TAB1: variants seen among roughly 807,000 people sequenced by gnomAD.
TAB1 encodes TGF-beta-activated kinase 1 and MAP3K7-binding protein 1.
TAB1 carries 30 observed loss-of-function variants against 54.5 expected under a neutral mutation model. The observed-to-expected ratio is 0.55, with a 90% CI of 0.41 to 0.75. The LOEUF (loss-of-function observed/expected upper bound fraction) is 0.75. Ranked by LOEUF, TAB1 falls within the 30% of genes least tolerant of loss-of-function variation. TAB1 has a pLI of 0.00. For synonymous variants in TAB1, 289 were observed against 286.9 expected (o/e 1.01, Z -0.07); for missense variants, 609 against 683.2 (o/e 0.89, Z 1.21).
chr22:39,421,926 G>T lies in TAB1; in HGVS notation c.876G>T (p.Leu292Phe). Residue 292 changes from leucine (L) to phenylalanine (F), a missense_variant, in exon 8 of 11, where the codon TTG (leucine) becomes TTT (phenylalanine). Transcript: ENST00000216160. ...TCTTGGTGCTGATGTCGGAGGGGTTGTACAAGGCCCTAGAGGCAGCCCATG... is the reference window on the plus strand; with the variant it reads ...TCTTGGTGCTGATGTCGGAGGGGTTTTACAAGGCCCTAGAGGCAGCCCATG... ...TGFLVLMSEG[L>F]YKALEAAHGP... The T allele has an allele frequency of 1.2e-6, 2 of 1,609,444 alleles. No individual in the cohort carries two copies. Among genetic ancestry groups the T allele is most frequent in the Non-Finnish European group, 1.7e-6 (2 of 1,177,904 alleles).
rs965591327 is a variant in TAB1, at chr22:39,422,400, C to CTT, written c.921+454_921+455dup. On this transcript the variant is annotated intron_variant, in intron 8 of 10. Coordinates refer to ENST00000216160, the MANE Select transcript of TAB1 (RefSeq NM_006116.3). The stretch of plus-strand genomic sequence containing the variant: ...ACAATTTATAGTTTGCTTCTCATTT[C>CTT]TTTTTTTTTTTTTTTTTTTTTTTTT... Among the ~76,000 whole-genome samples the CTT allele has an allele frequency of 2.5e-3, 225 of 88,524 alleles. 19 individuals carry two copies. Among genetic ancestry groups the CTT allele is most frequent in the Non-Finnish European group, 3.2e-3 (143 of 44,784 alleles). The allele number at this position is 88,524 out of a possible 152,430, so 58.1% of individuals were successfully genotyped here. A position where few individuals can be genotyped will look rare whatever the true frequency, so the allele number is the denominator to read the frequency against.
At chr22:39,429,132 C>A (rs1927476812) in intron 10 of TAB1, 1 of 985,374 alleles carries the variant, frequency 1.0e-6, no homozygotes, top group African/African-American at 1.7e-5. Context: ...CTTTCAGCGT[C>A]TGAGCCATAG....
At chr22:39,411,375 TAAAAA>T (rs993001554) in intron 1 of TAB1, among the ~76,000 whole-genome samples, 6 of 152,088 alleles carry the variant, frequency 3.9e-5, no homozygotes, top group African/African-American at 1.2e-4. Flanking sequence ...AAGTTACAAA[TAAAAA>T]GAACTCTCAG....
intron 7 of TAB1, among the ~76,000 whole-genome samples, chr22:39,420,804 TG>T (rs1927041559): frequency 6.7e-6 from 1 of 148,508 alleles, no homozygotes; most frequent in South Asian, 2.2e-4. Context: ...TGTGTGTGTG[TG>T]TGTGTGTGTG....
At chr22:39,435,570 G>A (rs906252896), downstream of TAB1, among the ~76,000 whole-genome samples, 5 of 152,332 alleles carry the variant, frequency 3.3e-5, no homozygotes, top group South Asian at 4.1e-4. Context: ...CTTGGGCAGA[G>A]TGACTGGGAG....
chr22:39,429,266 G>C, intron 10 of TAB1: 1 of 985,436 alleles, frequency 1.0e-6, no homozygotes, highest in East Asian at 1.1e-4. Context: ...GGGGAGGGGG[G>C]CGAAGGAAGG....
rs565744243 is a variant in TAB1, at chr22:39,426,714, G to A, written c.933G>A (p.Ala311=). The A allele has an allele frequency of 6.7e-5, 107 of 1,600,792 alleles. 1 individual carries two copies. The highest frequency in any genetic ancestry group is 1.4e-4 in the South Asian group (13 of 90,700). ...ACCCCCTCCCCCAGGAGATTGCTGC[G>A]ATGATTGACACTGAGTTTGCCAAGC... ...GPGQANQEIA[A]MIDTEFAKQT... is the part of the protein sequence containing the mutation. Residue 311 remains alanine (A), a synonymous_variant, in exon 9 of 11, where the codon GCG becomes GCA. Coordinates refer to ENST00000216160, the MANE Select transcript of TAB1 (RefSeq NM_006116.3).
chr22:39,424,139 C>T (rs1382191017), intron 8 of TAB1, among the ~76,000 whole-genome samples: 4 of 152,168 alleles, frequency 2.6e-5, no homozygotes, highest in Admixed American at 2.0e-4. Flanking sequence ...GAATAATGGC[C>T]TTCATCTCCA....
intron 9 of TAB1, 39 bp downstream of exon 9, chr22:39,426,964 C>T (rs760844226): frequency 1.3e-6 from 2 of 1,586,468 alleles, no homozygotes; most frequent in Non-Finnish European, 8.6e-7. Flanking sequence ...CTGGGGATGC[C>T]ATCTGGGGGC....
intron 1 of TAB1, 26 bp downstream of exon 1, chr22:39,399,861 C>A: frequency 6.3e-7 from 1 of 1,586,670 alleles, no homozygotes; most frequent in East Asian, 2.3e-5. Context: ...GCTCTCTGGG[C>A]TTGGGGTTGG....
chr22:39,418,967 G>A (rs1926955076), intron 6 of TAB1, 122 bp downstream of exon 6: 2 of 769,016 alleles, frequency 2.6e-6, no homozygotes, highest in Admixed American at 4.3e-5. Context: ...CAGCCAGCCT[G>A]CCTGGGGTTC....
intron 1 of TAB1, 96 bp downstream of exon 1, chr22:39,399,931 C>G: frequency 7.4e-7 from 1 of 1,359,462 alleles, no homozygotes. Flanking sequence ...TTTGGACAGC[C>G]ACCCTCTCCG....
intron 1 of TAB1, among the ~76,000 whole-genome samples, chr22:39,403,898 C>A (rs1217834649): frequency 1.3e-5 from 2 of 152,124 alleles, no homozygotes; most frequent in African/African-American, 4.8e-5. Flanking sequence ...CCAGCCTCGG[C>A]CTCCCAAAGT....
chr22:39,427,533 C>A (rs1210679209), intron 9 of TAB1, among the ~76,000 whole-genome samples: 2 of 152,228 alleles, frequency 1.3e-5, no homozygotes, highest in African/African-American at 4.8e-5. Context: ...GCACTAAGAC[C>A]TTCGGTTCCT....
At chr22:39,416,304 T>G (rs35888710) in intron 3 of TAB1, among the ~76,000 whole-genome samples, 8 of 152,214 alleles carry the variant, frequency 5.3e-5, no homozygotes, top group Non-Finnish European at 8.8e-5. Flanking sequence ...CTGGGGCTGG[T>G]GGGGTTTGAC....
intron 10 of TAB1, 79 bp downstream of exon 10, chr22:39,428,262 A>G (rs1568987459): frequency 2.0e-6 from 2 of 1,014,954 alleles, no homozygotes; most frequent in Admixed American, 4.6e-5. Context: ...AGAAATGGCC[A>G]TGGGGCCAAG....
chr22:39,415,794 G>A lies in TAB1; in HGVS notation c.324+141G>A. On this transcript the variant is annotated intron_variant, in intron 3 of 10. Coordinates refer to ENST00000216160, the MANE Select transcript of TAB1 (RefSeq NM_006116.3). This position sits in a 1 kb window ranked among gnomAD's most constrained non-coding sequence, Gnocchi z 4.9. ...CACCCCAGTAGAGGAGCAGCTCCCA[G>A]CGTAGGCCCCCCCACCCAACAGGAG... is the stretch of plus-strand genomic sequence containing the variant. The A allele has an allele frequency of 1.8e-6, 2 of 1,130,170 alleles. No individual in the cohort carries two copies. The highest frequency in any genetic ancestry group is 2.5e-6 in the Non-Finnish European group (2 of 812,394). The allele number at this position is 1,130,170 out of a possible 1,614,324, so 70.0% of individuals were successfully genotyped here. A position where few individuals can be genotyped will look rare whatever the true frequency, so the allele number is the denominator to read the frequency against.
Position 39,426,911 on chromosome 22 carries a change from C to T in TAB1, c.1130C>T (p.Pro377Leu), listed in dbSNP as rs376032252. 1.6e-5 allele frequency: 26 copies of T among 1,611,542 alleles called. No individual in the cohort carries two copies. The highest frequency in any genetic ancestry group is 1.6e-4 in the Middle Eastern group (1 of 6,070). Reference protein sequence around the residue: ...YPLGEMSQPTPSPAPAAGGRV... With the variant: ...YPLGEMSQPTLSPAPAAGGRV... The stretch of plus-strand genomic sequence containing the variant: ...CTGGGCGAAATGAGCCAGCCCACAC[C>T]GAGCCCAGCCCCAGGTACGTGTGCT... Residue 377 changes from proline to leucine, a missense_variant, in exon 9 of 11, where the codon CCG (proline) becomes CTG (leucine). Physicochemically the swap from Pro to Leu is moderately conservative, Grantham distance 98. Transcript: ENST00000216160.
chr22:39,430,555 G>C lies in TAB1; in HGVS notation c.*333G>C. 6 of 1,209,796 alleles carry C rather than the reference G, an allele frequency of 5.0e-6. No individual in the cohort carries two copies. The highest frequency in any genetic ancestry group is 6.3e-6 in the Non-Finnish European group (6 of 958,994). The allele number at this position is 1,209,796 out of a possible 1,614,324, so 74.9% of individuals were successfully genotyped here. On this transcript the variant is annotated 3_prime_UTR_variant, in exon 11 of 11. Coordinates refer to ENST00000216160, the MANE Select transcript of TAB1 (RefSeq NM_006116.3). ...CTCCCCAGCAGCCTCCTACAGAGCA[G>C]GAAGAGGCGCCCTGTGAACCCTGAG...
Sources: allele counts gnomAD v4.1 joint callset (sites outside exome capture counted in the v4.1 genomes callset), GRCh38; gene constraint gnomAD v4.1.1; non-coding constraint Gnocchi (gnomAD v3.1); transcripts MANE v1.5; gene names NCBI Gene and HGNC (gene_info 2026-07-23, HGNC 2026-07-21).